Variants in OR2L5 observed in about 807,000 individuals in gnomAD.
OR2L5 encodes olfactory receptor 2L5.
For missense variants in OR2L5, 413 were observed against 381.6 expected (o/e 1.08, Z -0.69); for synonymous variants, 169 against 142.0 (o/e 1.19, Z -1.35).
chr1:248,022,677 C>A lies in OR2L5; in HGVS notation c.730C>A (p.Leu244Ile). The part of the protein sequence containing the change: ...KKAYSTCSTH[L>I]TVVTFYYAPF... ...GGCCTATTCGACCTGCAGCACCCAC[C>A]TCACTGTAGTAACTTTCTACTATGC... The change falls in exon 2 of 2, where the codon CTC becomes ATC. Residue 244 changes from leucine to isoleucine, a missense_variant. Coordinates refer to ENST00000355281, the MANE Select transcript of OR2L5 (RefSeq NM_001258284.2). The A allele has an allele frequency of 1.2e-6, 2 of 1,614,102 alleles. No individual in the cohort carries two copies. Among genetic ancestry groups the A allele is most frequent in the East Asian group, 2.2e-5 (1 of 44,878 alleles).
At chr1:248,015,994 G>T (rs759680482) in intron 1 of OR2L5, among the ~76,000 whole-genome samples, 4 of 152,024 alleles carry the variant, frequency 2.6e-5, no homozygotes, top group Non-Finnish European at 5.9e-5. Flanking sequence ...TCTATCACTA[G>T]GTCTCTGTAC....
intron 1 of OR2L5, among the ~76,000 whole-genome samples, chr1:248,018,884 A>G (rs1662270639): frequency 6.6e-6 from 1 of 152,192 alleles, no homozygotes; most frequent in African/African-American, 2.4e-5. Flanking sequence ...TACTTCATGT[A>G]GGAGAATTCA....
intron 1 of OR2L5, among the ~76,000 whole-genome samples, chr1:248,020,279 T>A (rs1662304426): frequency 6.6e-6 from 1 of 152,096 alleles, no homozygotes; most frequent in Non-Finnish European, 1.5e-5. Context: ...AATGAGGAAG[T>A]AAAACTGTCG....
chr1:248,018,798 T>C (rs1662268380), intron 1 of OR2L5, among the ~76,000 whole-genome samples: 1 of 152,194 alleles, frequency 6.6e-6, no homozygotes, highest in South Asian at 2.1e-4. Flanking sequence ...ACACAATTAT[T>C]CTCCTTGTCT....
chr1:248,022,668 A>C lies in OR2L5; in HGVS notation c.721A>C (p.Ser241Arg), dbSNP rs1454597638. The change falls in exon 2 of 2, where the codon AGC becomes CGC. Residue 241 changes from serine (S) to arginine (R), a missense_variant. Ser to Arg is a moderately radical substitution (Grantham distance 110). Transcript: ENST00000355281. The stretch of plus-strand genomic sequence containing the variant: ...GAGGAAAAAGGCCTATTCGACCTGC[A>C]GCACCCACCTCACTGTAGTAACTTT... Reference protein sequence around the residue: ...EGRKKAYSTCSTHLTVVTFYY... With the variant: ...EGRKKAYSTCRTHLTVVTFYY... The C allele has an allele frequency of 6.2e-7, 1 of 1,614,116 alleles. No homozygotes were observed. The highest frequency in any genetic ancestry group is 8.5e-7 in the Non-Finnish European group (1 of 1,180,010).
At position 248,022,905 on chromosome 1, in the gene OR2L5, A is replaced by G. The variant is rs769503546; in HGVS notation, c.*19A>G. The stretch of plus-strand genomic sequence containing the variant: ...AATGTAGACATACGTTCTGTGTTAG[A>G]GTCAAAGCGCTAGGTTCATATCAAC... On this transcript the variant is annotated 3_prime_UTR_variant, in exon 2 of 2. Transcript: ENST00000355281. 4.7e-5 allele frequency: 75 copies of G among 1,581,194 alleles called. No homozygotes were observed. The highest frequency in any genetic ancestry group is 6.0e-5 in the Non-Finnish European group (70 of 1,164,750).
chr1:248,016,260 T>G (rs528569839), intron 1 of OR2L5, among the ~76,000 whole-genome samples: 1 of 152,356 alleles, frequency 6.6e-6, no homozygotes, highest in Non-Finnish European at 1.5e-5. Flanking sequence ...GTAATTATTA[T>G]GCTGAATATG....
chr1:248,015,985 C>T (rs994007455), intron 1 of OR2L5, among the ~76,000 whole-genome samples: 2 of 152,178 alleles, frequency 1.3e-5, no homozygotes, highest in Non-Finnish European at 2.9e-5. Context: ...GTTCCCAACT[C>T]TATCACTAGG....
In OR2L5 at chr1:248,023,059, G is replaced by A. The variant is rs912419511; in HGVS notation, c.*173G>A. The A allele has an allele frequency of 1.6e-5, 9 of 564,022 alleles. No homozygotes were observed. Among genetic ancestry groups the A allele is most frequent in the Non-Finnish European group, 2.3e-5 (8 of 340,706 alleles). 34.9% of individuals were successfully genotyped at this position (564,022 alleles called of 1,614,324 possible). A position where few individuals can be genotyped will look rare whatever the true frequency, so the allele number is the denominator to read the frequency against. The stretch of plus-strand genomic sequence containing the variant: ...TTGCATATTCTAAGACATCTATTTT[G>A]TTTCTGTTTGTGTTTCTTTTTATCA... On this transcript the variant is annotated 3_prime_UTR_variant, in exon 2 of 2. Coordinates refer to ENST00000355281, the MANE Select transcript of OR2L5 (RefSeq NM_001258284.2).
chr1:248,023,497 G>A lies in OR2L5; in HGVS notation c.*611G>A, dbSNP rs965295172. 6.6e-6 allele frequency: 1 copy of A among 152,124 alleles called. No homozygotes were observed. Among genetic ancestry groups the A allele is most frequent in the African/African-American group, 2.4e-5 (1 of 41,430 alleles). 9.4% of individuals were successfully genotyped at this position (152,124 alleles called of 1,614,324 possible). A position where few individuals can be genotyped will look rare whatever the true frequency, so the allele number is the denominator to read the frequency against. On this transcript the variant is annotated 3_prime_UTR_variant, in exon 2 of 2. Coordinates refer to ENST00000355281, the MANE Select transcript of OR2L5 (RefSeq NM_001258284.2). Reference sequence around the variant, plus strand: ...CTTAGACTTAGTTGAATGTGGAGTAGGTTATTTGAACCATTCCCCAGTCAC... The same window carrying A: ...CTTAGACTTAGTTGAATGTGGAGTAAGTTATTTGAACCATTCCCCAGTCAC...
At position 248,022,826 on chromosome 1, in the gene OR2L5, C is replaced by A; in HGVS notation, c.879C>A (p.Asn293Lys). 3.1e-6 allele frequency: 5 copies of A among 1,613,716 alleles called. No individual in the cohort carries two copies. The highest frequency in any genetic ancestry group is 1.1e-5 in the South Asian group (1 of 91,058). The change falls in exon 2 of 2, where the codon AAC becomes AAA. Residue 293 changes from asparagine to lysine, a missense_variant. By Grantham distance (94) the Asn-to-Lys change is moderately conservative (BLOSUM62 0). Coordinates refer to ENST00000355281, the MANE Select transcript of OR2L5 (RefSeq NM_001258284.2). ...ACCCCATCATCTACAGCCTGAGAAACAAGGAGGTGATGGGGGCCCTGACAC... is the reference window on the plus strand; with the variant it reads ...ACCCCATCATCTACAGCCTGAGAAAAAAGGAGGTGATGGGGGCCCTGACAC... ...MLNPIIYSLRNKEVMGALTRV... is the reference protein window; with the variant it reads ...MLNPIIYSLRKKEVMGALTRV...
chr1:248,022,946 A>G lies in OR2L5; in HGVS notation c.*60A>G, dbSNP rs1402332558. 1 of 1,455,522 alleles carries G rather than the reference A, an allele frequency of 6.9e-7. No homozygotes were observed. The highest frequency in any genetic ancestry group is 9.3e-7 in the Non-Finnish European group (1 of 1,078,134). 90.2% of individuals were successfully genotyped at this position (1,455,522 alleles called of 1,614,324 possible). A position where few individuals can be genotyped will look rare whatever the true frequency, so the allele number is the denominator to read the frequency against. ...TCATATCAACTCAGCAGTGTACAGC[A>G]GTGAAGAAAAACATTATTACATGCC... On this transcript the variant is annotated 3_prime_UTR_variant, in exon 2 of 2. Transcript: ENST00000355281.
At chr1:248,016,998 A>G (rs1662215573) in intron 1 of OR2L5, among the ~76,000 whole-genome samples, 1 of 152,150 alleles carries the variant, frequency 6.6e-6, no homozygotes, top group East Asian at 1.9e-4. Context: ...ATAGTCAATA[A>G]AAGTTCATAA....
chr1:248,017,939 C>G lies in OR2L5; in HGVS notation c.-21-3988C>G, dbSNP rs531560344. On this transcript the variant is annotated intron_variant, in intron 1 of 1. Transcript: ENST00000355281. ...GGAGAAGGAAAAAATACATTCGTAT[C>G]GAGACCATCCTGGCTAACACGGTGA... 4.1e-4 allele frequency among the ~76,000 whole-genome samples: 62 copies of G among 152,022 alleles called. 1 individual carries two copies. The highest frequency in any genetic ancestry group is 3.4e-3 in the Middle Eastern group (1 of 294).
chr1:248,022,268 A>G lies in OR2L5; in HGVS notation c.321A>G (p.Ala107=), dbSNP rs936016847. The change falls in exon 2 of 2, where the codon GCA becomes GCG. Residue 107 remains alanine, a synonymous_variant. Coordinates refer to ENST00000355281, the MANE Select transcript of OR2L5 (RefSeq NM_001258284.2). The stretch of plus-strand genomic sequence containing the variant: ...AGAGTTTCTTCTTCATGACTTTTGC[A>G]GGTGCAGAAGCGCTGCTCCTGACAT... ...GIQSFFFMTF[A]GAEALLLTSM... 1 of 1,614,174 alleles carries G rather than the reference A, an allele frequency of 6.2e-7. No individual in the cohort carries two copies. The highest frequency in any genetic ancestry group is 2.2e-5 in the East Asian group (1 of 44,882).
rs145532695 is a variant in OR2L5 at position 248,018,159 on chromosome 1, AT to A, written c.-21-3767del. The stretch of plus-strand genomic sequence containing the variant: ...GACAGAGCGACTCCATCTCAAAAAA[AT>A]AAAAAAAAAAATTCGTTATTTTTCT... On this transcript the variant is annotated intron_variant, in intron 1 of 1. Coordinates refer to ENST00000355281, the MANE Select transcript of OR2L5 (RefSeq NM_001258284.2). Among the ~76,000 whole-genome samples, 79 of 151,254 alleles carry A rather than the reference AT, an allele frequency of 5.2e-4. 1 individual carries two copies. Among genetic ancestry groups the A allele is most frequent in the African/African-American group, 1.8e-3 (75 of 40,686 alleles).
intron 1 of OR2L5, among the ~76,000 whole-genome samples, chr1:248,015,993 AG>A: frequency 6.6e-6 from 1 of 152,296 alleles, no homozygotes; most frequent in African/African-American, 2.4e-5. Context: ...CTCTATCACT[AG>A]GTCTCTGTAC....
At chr1:248,020,073 G>GCAC (rs1662298396) in intron 1 of OR2L5, among the ~76,000 whole-genome samples, 1 of 152,054 alleles carries the variant, frequency 6.6e-6, no homozygotes, top group Admixed American at 6.6e-5. Context: ...GTGAACAAAC[G>GCAC]CACCTGACCT....
chr1:248,021,457 A>T (rs1436239311), intron 1 of OR2L5, among the ~76,000 whole-genome samples: 1 of 152,220 alleles, frequency 6.6e-6, no homozygotes, highest in Non-Finnish European at 1.5e-5. Context: ...GATCAACTGC[A>T]GTCTGAAAAT....
Sources: allele counts gnomAD v4.1 joint callset (sites outside exome capture counted in the v4.1 genomes callset), GRCh38; gene constraint gnomAD v4.1.1; transcripts MANE v1.5; gene names NCBI Gene and HGNC (gene_info 2026-07-23, HGNC 2026-07-21).